The following PDE4D variants were observed in gnomAD, a reference collection of about 807,000 sequenced individuals.
PDE4D encodes the protein 3',5'-cyclic-AMP phosphodiesterase 4D.
Under a neutral mutation model 87.4 loss-of-function variants are expected in PDE4D, and 24 were observed. That is an observed-to-expected ratio of 0.27 (90% CI 0.20 to 0.39). PDE4D has a LOEUF of 0.39. Among genes scored for constraint, PDE4D ranks in the 10% least tolerant of loss-of-function variants. PDE4D has a pLI of 1.00. For missense variants in PDE4D, 714 were observed against 1,041.0 expected, an observed-to-expected ratio of 0.69 and a Z score of 4.32; for synonymous variants, 384 against 383.2, an observed-to-expected ratio of 1.00 and a Z score of -0.02.
chr5:59,455,242 GA>G (rs953722226), intron 1 of PDE4D, among the ~76,000 whole-genome samples: 7 of 152,044 alleles, frequency 4.6e-5, no homozygotes, highest in South Asian at 2.1e-4. Flanking sequence ...GGCCTAGGAG[GA>G]AAAAAATGGT....
At chr5:59,004,424 G>C (rs1751162443) in intron 6 of PDE4D, among the ~76,000 whole-genome samples, 1 of 152,120 alleles carries the variant, frequency 6.6e-6, no homozygotes, top group Non-Finnish European at 1.5e-5. Flanking sequence ...CTATCTAAGG[G>C]TTTGCTATGA....
chr5:60,451,771 A>G (rs887682435), intron 1 of PDE4D, among the ~76,000 whole-genome samples: 3 of 152,036 alleles, frequency 2.0e-5, no homozygotes, highest in Non-Finnish European at 4.4e-5. Flanking sequence ...CTCTACAGAG[A>G]CAAAAGGGGG....
intron 2 of PDE4D, among the ~76,000 whole-genome samples, chr5:60,108,213 C>A (rs1449484285): frequency 2.6e-5 from 4 of 151,120 alleles, no homozygotes; most frequent in African/African-American, 9.7e-5. Flanking sequence ...TATACAGCAA[C>A]AACAGACAAA....
chr5:59,135,135 C>T (rs947398413), intron 5 of PDE4D, among the ~76,000 whole-genome samples: 2 of 152,204 alleles, frequency 1.3e-5, no homozygotes, highest in African/African-American at 2.4e-5. Flanking sequence ...ATGTCCCTGA[C>T]AAGGATGCAC....
intron 1 of PDE4D, among the ~76,000 whole-genome samples, chr5:59,554,113 TAG>T (rs1818529992): frequency 6.6e-6 from 1 of 152,170 alleles, no homozygotes; most frequent in Non-Finnish European, 1.5e-5. Context: ...TTGTAGGAAC[TAG>T]AGTCTCAGAT....
At chr5:59,876,296 T>C (rs912324891) in intron 1 of PDE4D, among the ~76,000 whole-genome samples, 5 of 152,084 alleles carry the variant, frequency 3.3e-5, no homozygotes, top group African/African-American at 1.2e-4. Context: ...GCTGAGGAAA[T>C]ATGATAATGA....
At chr5:59,945,085 T>C (rs1421412346) in intron 3 of PDE4D, among the ~76,000 whole-genome samples, 1 of 152,212 alleles carries the variant, frequency 6.6e-6, no homozygotes, top group Non-Finnish European at 1.5e-5. Context: ...TGAGAAGCAA[T>C]AAAATTTCAC....
chr5:60,439,986 A>C (rs1217585172), intron 1 of PDE4D, among the ~76,000 whole-genome samples: 1 of 151,206 alleles, frequency 6.6e-6, no homozygotes, highest in East Asian at 1.9e-4. Context: ...GACCTATCCT[A>C]TCTCTCTCCA....
At position 59,058,132 on chromosome 5, in the gene PDE4D, G is replaced by A. The variant is rs189013283; in HGVS notation, c.809-19161C>T. Among the ~76,000 whole-genome samples, 10 of 152,254 alleles carry A rather than the reference G, an allele frequency of 6.6e-5. No individual in the cohort carries two copies. In the East Asian group the frequency reaches 1.5e-3, roughly 24 times the overall value. On this transcript the variant is annotated intron_variant, in intron 5 of 14. Transcript: ENST00000340635. ...TATACTAGGTATCCAATAAATGTTT[G>A]TTGAATGGAACTGAAAAAGCATGAA...
intron 1 of PDE4D, among the ~76,000 whole-genome samples, chr5:59,274,244 T>G (rs924982110): frequency 6.6e-6 from 1 of 152,104 alleles, no homozygotes; most frequent in African/African-American, 2.4e-5. Context: ...GCAAGTAACG[T>G]TAAGAGACAA....
chr5:59,706,677 T>G (rs1435243913), intron 1 of PDE4D, among the ~76,000 whole-genome samples: 1 of 152,174 alleles, frequency 6.6e-6, no homozygotes, highest in Non-Finnish European at 1.5e-5. Context: ...ATGTATCCTT[T>G]GCTTATAGGA....
chr5:60,405,115 G>A (rs889652773), intron 1 of PDE4D, among the ~76,000 whole-genome samples: 1 of 152,220 alleles, frequency 6.6e-6, no homozygotes, highest in African/African-American at 2.4e-5. Context: ...AAGTTTTCAG[G>A]TGTTGCAAGG....
At chr5:59,442,279 G>A (rs912144824) in intron 1 of PDE4D, among the ~76,000 whole-genome samples, 1 of 152,226 alleles carries the variant, frequency 6.6e-6, no homozygotes, top group Non-Finnish European at 1.5e-5. Context: ...CCAAGGCAGT[G>A]TAACTTGTGG....
intron 1 of PDE4D, among the ~76,000 whole-genome samples, chr5:59,435,687 G>T (rs1402052453): frequency 6.6e-6 from 1 of 152,100 alleles, no homozygotes; most frequent in Non-Finnish European, 1.5e-5. Context: ...TGTAATCCAG[G>T]AACCTAAAAC....
At chr5:59,900,818 G>C (rs148085488) in intron 3 of PDE4D, among the ~76,000 whole-genome samples, 35 of 152,268 alleles carry the variant, frequency 2.3e-4, no homozygotes, top group African/African-American at 8.4e-4. Flanking sequence ...TCATGAAAGA[G>C]CTTGTCACTT....
intron 1 of PDE4D, among the ~76,000 whole-genome samples, chr5:60,231,009 A>G (rs376542228): frequency 6.6e-6 from 1 of 152,182 alleles, no homozygotes; most frequent in East Asian, 1.9e-4. Context: ...GGGGAATGTT[A>G]AAGGTAGAAG....
intron 1 of PDE4D, among the ~76,000 whole-genome samples, chr5:59,786,612 T>C (rs180825173): frequency 2.8e-4 from 42 of 152,298 alleles, no homozygotes; most frequent in African/African-American, 9.9e-4. Flanking sequence ...TAGGCGAGGA[T>C]AGTACTTTGG....
At chr5:59,008,235 A>G (rs1044507793) in intron 6 of PDE4D, among the ~76,000 whole-genome samples, 3 of 152,032 alleles carry the variant, frequency 2.0e-5, no homozygotes, top group Non-Finnish European at 4.4e-5. Context: ...TATAGAGAAA[A>G]TTAGGATCTC....
At position 60,450,724 on chromosome 5, in the gene PDE4D, C is replaced by T. The variant is rs529099938; in HGVS notation, c.-90+37218G>A. 4.6e-5 allele frequency among the ~76,000 whole-genome samples: 7 copies of T among 152,200 alleles called. No individual in the cohort carries two copies. The South Asian group carries it at 1.2e-3, about 27-fold the overall frequency. ...ATGACATAAATACAAGTTTCATTGA[C>T]CTGGCCAAATTGAACTGGATAAAGA... On this transcript the variant is annotated intron_variant, in intron 1 of 16. Transcript: ENST00000502484.
Sources: gnomAD v4.1 joint callset for allele counts (sites outside exome capture counted in the v4.1 genomes callset) on GRCh38, gnomAD v4.1.1 for gene constraint, MANE v1.5 for transcripts, NCBI Gene and HGNC (gene_info 2026-07-23, HGNC 2026-07-21) for gene names.